Variants in TRAPPC8 observed in about 807,000 individuals in gnomAD.
TRAPPC8 encodes the protein trafficking protein particle complex subunit 8.
TRAPPC8 carries 54 observed loss-of-function variants against 174.3 expected under a neutral mutation model. That is an observed-to-expected ratio of 0.31 (90% confidence interval 0.25 to 0.39). The LOEUF is 0.39. Ranked by LOEUF, TRAPPC8 falls within the 10% of genes least tolerant of loss-of-function variation. TRAPPC8 has a pLI of 1.00. For missense variants in TRAPPC8, 1,531 were observed against 1,699.1 expected (o/e 0.90, Z 1.74); for synonymous variants, 630 against 579.9 (o/e 1.09, Z -1.24).
intron 3 of TRAPPC8, among the ~76,000 whole-genome samples, chr18:31,917,102 T>A (rs1413334384): frequency 6.6e-6 from 1 of 151,452 alleles, no homozygotes; most frequent in African/African-American, 2.4e-5. Context: ...ACAAATTTCA[T>A]CCTACCTCTT....
Position 31,832,183 on chromosome 18 carries a change from A to C in TRAPPC8, c.3984-10T>G. On this transcript the variant is annotated splice_polypyrimidine_tract_variant and intron_variant, in intron 27 of 28. Coordinates refer to ENST00000283351, the MANE Select transcript of TRAPPC8 (RefSeq NM_014939.5). ...TGGTACTAAACAAAGGCTATGGAAG[A>C]AAAATAAACAAAAAAGTTATATATT... 6.9e-7 allele frequency: 1 copy of C among 1,452,606 alleles called. No homozygotes were observed. The highest frequency in any genetic ancestry group is 9.1e-7 in the Non-Finnish European group (1 of 1,102,404). The allele number at this position is 1,452,606 out of a possible 1,614,324, so 90.0% of individuals were successfully genotyped here. A position where few individuals can be genotyped will look rare whatever the true frequency, so the allele number is the denominator to read the frequency against.
At chr18:31,831,047 A>C (rs1215060161) in intron 28 of TRAPPC8, 58 bp from the exon 29 acceptor site, 1 of 1,468,288 alleles carries the variant, frequency 6.8e-7, no homozygotes, top group African/African-American at 1.4e-5. Flanking sequence ...TTTTTTCCCA[A>C]AGTCACATTA....
At chr18:31,921,540 C>G (rs186164031) in intron 2 of TRAPPC8, among the ~76,000 whole-genome samples, 2 of 148,662 alleles carry the variant, frequency 1.3e-5, no homozygotes, top group African/African-American at 2.5e-5. Flanking sequence ...CACTTGAACT[C>G]GGGAGGTGGA....
At chr18:31,920,023 G>A (rs1479055087) in intron 2 of TRAPPC8, among the ~76,000 whole-genome samples, 6 of 152,056 alleles carry the variant, frequency 3.9e-5, no homozygotes. Context: ...CCCCAACTCA[G>A]TCAAAGTAAG....
intron 2 of TRAPPC8, 42 bp from the exon 3 acceptor site, chr18:31,917,709 G>T: frequency 1.3e-6 from 2 of 1,552,670 alleles, no homozygotes; most frequent in South Asian, 2.3e-5. Context: ...GTATTCAATA[G>T]AATCAGTTTA....
intron 19 of TRAPPC8, 119 bp from the exon 20 acceptor site, chr18:31,858,101 T>A: frequency 1.3e-6 from 1 of 798,598 alleles, no homozygotes; most frequent in Non-Finnish European, 2.0e-6. Flanking sequence ...TTTCATTAAT[T>A]CTTTGGTATC....
chr18:31,910,596 A>G (rs555830033), intron 5 of TRAPPC8, among the ~76,000 whole-genome samples: 8 of 152,248 alleles, frequency 5.3e-5, no homozygotes, highest in Non-Finnish European at 1.2e-4. Context: ...TTGATCCTTA[A>G]GCAAAATGAG....
intron 10 of TRAPPC8, among the ~76,000 whole-genome samples, chr18:31,900,547 C>T (rs548381548): frequency 7.9e-5 from 12 of 152,288 alleles, no homozygotes; most frequent in Non-Finnish European, 1.6e-4. Flanking sequence ...GTGGTGAGTT[C>T]TCACTTTTAT....
At position 31,942,822 on chromosome 18, in the gene TRAPPC8, T is replaced by G. The variant is rs548189686; in HGVS notation, c.-58A>C. ...TCCGGCCCACCCTGCGAGGTTATCC[T>G]GCGGCTGCAGCAGCTACCGCCGCCG... On this transcript the variant is annotated 5_prime_UTR_variant, in exon 1 of 29. Transcript: ENST00000283351. 9.8e-3 allele frequency: 12,611 copies of G among 1,282,710 alleles called. 70 individuals are homozygous for G. Among genetic ancestry groups the G allele is most frequent in the Non-Finnish European group, 0.011 (11,107 of 1,010,884 alleles). 79.5% of individuals were successfully genotyped at this position (1,282,710 alleles called of 1,614,324 possible).
At chr18:31,916,619 G>A (rs1292013757) in intron 3 of TRAPPC8, among the ~76,000 whole-genome samples, 173 bp from the exon 4 acceptor site, 1 of 152,026 alleles carries the variant, frequency 6.6e-6, no homozygotes, top group African/African-American at 2.4e-5. Context: ...CACAACCTCC[G>A]CCTCCCAGGT....
intron 19 of TRAPPC8, among the ~76,000 whole-genome samples, chr18:31,860,167 A>T (rs2034253586): frequency 1.3e-5 from 2 of 152,204 alleles, no homozygotes; most frequent in South Asian, 4.1e-4. Context: ...TATCCTGAAG[A>T]TATACATGTG....
chr18:31,834,016 A>AAG lies in TRAPPC8; in HGVS notation c.3984-1844_3984-1843insCT, dbSNP rs1437995484. On this transcript the variant is annotated intron_variant, in intron 27 of 28. Transcript: ENST00000283351. ...GACTCCGTCTCAAAAAAAAAAAACA[A>AAG]AAAACAGAAATTACATTTCTAAGTT... Among the ~76,000 whole-genome samples the AAG allele has an allele frequency of 2.0e-5, 3 of 151,090 alleles. 1 individual carries two copies. The highest frequency in any genetic ancestry group is 4.9e-5 in the African/African-American group (2 of 41,088).
At chr18:31,934,441 A>G (rs146410127) in intron 1 of TRAPPC8, among the ~76,000 whole-genome samples, 15 of 152,330 alleles carry the variant, frequency 9.8e-5, no homozygotes, top group Non-Finnish European at 2.2e-4. Context: ...TCTAACTTAA[A>G]TAAACATACC....
intron 9 of TRAPPC8, 144 bp from the exon 10 acceptor site, chr18:31,901,169 G>C: frequency 1.6e-6 from 1 of 614,904 alleles, no homozygotes; most frequent in East Asian, 3.3e-5. Flanking sequence ...ATGCAGACTT[G>C]AAAAACACAT....
intron 20 of TRAPPC8, among the ~76,000 whole-genome samples, chr18:31,856,104 T>C (rs1281330782): frequency 6.6e-6 from 1 of 151,382 alleles, no homozygotes; most frequent in South Asian, 2.1e-4. Context: ...TTGTGCTTCT[T>C]TCTCTCTCTT....
In TRAPPC8 at chr18:31,931,159, T is replaced by C. The variant is rs1227446506; in HGVS notation, c.352+170A>G. 2.0e-5 allele frequency among the ~76,000 whole-genome samples: 3 copies of C among 152,236 alleles called. No homozygotes were observed. The East Asian group carries it at 5.8e-4, about 29-fold the overall frequency. ...ATGTTCTAGATACTACTTTAGGTCC[T>C]AAAATAATAAACAGGCAAAGTTCCT... On this transcript the variant is annotated intron_variant, in intron 2 of 28. Transcript: ENST00000283351.
chr18:31,855,959 T>A lies in TRAPPC8; in HGVS notation c.3189-152A>T, dbSNP rs760999553. On this transcript the variant is annotated intron_variant, in intron 20 of 28. Coordinates refer to ENST00000283351, the MANE Select transcript of TRAPPC8 (RefSeq NM_014939.5). ...GAATACATTAAGTAAAATTACATAGTTAGCCTAACTTCAGTTCAATTCTTT... is the reference window on the plus strand; with the variant it reads ...GAATACATTAAGTAAAATTACATAGATAGCCTAACTTCAGTTCAATTCTTT... The A allele has an allele frequency of 7.4e-5, 64 of 863,688 alleles. No individual in the cohort carries two copies. In the East Asian group the frequency reaches 1.3e-3, roughly 18 times the overall value. 53.5% of individuals were successfully genotyped at this position (863,688 alleles called of 1,614,324 possible). A position where few individuals can be genotyped will look rare whatever the true frequency, so the allele number is the denominator to read the frequency against.
intron 9 of TRAPPC8, among the ~76,000 whole-genome samples, chr18:31,903,686 T>C (rs1394449830): frequency 6.6e-6 from 1 of 152,216 alleles, no homozygotes; most frequent in Non-Finnish European, 1.5e-5. Flanking sequence ...ACCATTTTTC[T>C]TAAGCCTATT....
At chr18:31,920,683 T>C (rs758671543) in intron 2 of TRAPPC8, among the ~76,000 whole-genome samples, 2 of 152,128 alleles carry the variant, frequency 1.3e-5, no homozygotes, top group East Asian at 1.9e-4. Context: ...CTCACACCTG[T>C]AATCCCAACA....
Sources: allele counts gnomAD v4.1 joint callset (sites outside exome capture counted in the v4.1 genomes callset), GRCh38; gene constraint gnomAD v4.1.1; transcripts MANE v1.5; gene names NCBI Gene and HGNC (gene_info 2026-07-23, HGNC 2026-07-21).